Variants in INPP5A observed in about 807,000 individuals in gnomAD.
INPP5A encodes inositol polyphosphate-5-phosphatase A, also known as 43 kDa inositol polyphosphate 5-phophatase.
INPP5A carries 14 observed loss-of-function variants against 65.2 expected under a neutral mutation model. The ratio of observed to expected loss-of-function variants is 0.21; its 90% CI spans 0.14 to 0.34. The LOEUF (loss-of-function observed/expected upper bound fraction) is 0.34. INPP5A is among the 10% of genes least tolerant of loss of function. INPP5A has a pLI of 1.00. For missense variants in INPP5A, 431 were observed against 545.6 expected (o/e 0.79, Z 2.09); for synonymous variants, 207 against 208.3 (o/e 0.99, Z 0.05).
rs550427115 is a variant in INPP5A, at chr10:132,653,267, C to T, written c.306+2762C>T. Reference sequence around the variant, plus strand: ...CTCAGCAAAACCTCCTTCAGGCTCCCGAGGGCCGCGGCTGCCTCCACACCT... The same window carrying T: ...CTCAGCAAAACCTCCTTCAGGCTCCTGAGGGCCGCGGCTGCCTCCACACCT... On this transcript the variant is annotated intron_variant, in intron 4 of 15. Coordinates refer to ENST00000368594, the MANE Select transcript of INPP5A (RefSeq NM_005539.5). Among the ~76,000 whole-genome samples, 8 of 152,306 alleles carry T rather than the reference C, an allele frequency of 5.3e-5. No individual in the cohort carries two copies. In the South Asian group the frequency reaches 6.2e-4, roughly 12 times the overall value.
intron 1 of INPP5A, among the ~76,000 whole-genome samples, chr10:132,576,936 C>T (rs1315091300): frequency 6.6e-6 from 1 of 152,258 alleles, no homozygotes; most frequent in African/African-American, 2.4e-5. Flanking sequence ...ATGCTGGTCA[C>T]ACCCGCTGAA....
intron 4 of INPP5A, among the ~76,000 whole-genome samples, chr10:132,672,517 C>G (rs1254983244): frequency 2.0e-5 from 3 of 152,192 alleles, no homozygotes; most frequent in Admixed American, 6.5e-5. Context: ...TGCACAAGCT[C>G]TTTCTTTGCC....
At chr10:132,631,526 T>A (rs1178771576) in intron 2 of INPP5A, among the ~76,000 whole-genome samples, 2 of 152,256 alleles carry the variant, frequency 1.3e-5, no homozygotes, top group Non-Finnish European at 2.9e-5. Context: ...GGGCTTCCAC[T>A]GGGGTGCTGT....
chr10:132,678,055 G>A lies in INPP5A; in HGVS notation c.307-12337G>A, dbSNP rs556790014. ...CAGCCGGGAGAGGGGCTCGGCAGGA[G>A]GCCAGACAGGGGGACACCTTGGTGC... On this transcript the variant is annotated intron_variant, in intron 4 of 15. Transcript: ENST00000368594. The surrounding 1 kb of genome is among the most constrained non-coding windows in gnomAD (Gnocchi z 4.1). 9.8e-5 allele frequency among the ~76,000 whole-genome samples: 15 copies of A among 152,368 alleles called. No individual in the cohort carries two copies. The highest frequency in any genetic ancestry group is 2.0e-4 in the Admixed American group (3 of 15,310).
Position 132,697,579 on chromosome 10 carries a change from G to A in INPP5A, c.371-237G>A, listed in dbSNP as rs528056279. ...ATCTGCAGTCTGGGAGCTCTCAGGCGATAATGGAGTGGAGTGTCAGATTCC... is the reference window on the plus strand; with the variant it reads ...ATCTGCAGTCTGGGAGCTCTCAGGCAATAATGGAGTGGAGTGTCAGATTCC... On this transcript the variant is annotated intron_variant, in intron 5 of 15. Coordinates refer to ENST00000368594, the MANE Select transcript of INPP5A (RefSeq NM_005539.5). This position sits in a 1 kb window ranked among gnomAD's most constrained non-coding sequence, Gnocchi z 5.6. 1.3e-5 allele frequency among the ~76,000 whole-genome samples: 2 copies of A among 152,326 alleles called. No individual in the cohort carries two copies. Among genetic ancestry groups the A allele is most frequent in the Middle Eastern group, 3.4e-3 (1 of 294 alleles).
At position 132,730,243 on chromosome 10, in the gene INPP5A, G is replaced by C. The variant is rs138743209; in HGVS notation, c.732+3338G>C. Among the ~76,000 whole-genome samples, 711 of 152,298 alleles carry C rather than the reference G, an allele frequency of 4.7e-3. 9 individuals carry two copies. The highest frequency in any genetic ancestry group is 0.035 in the South Asian group (168 of 4,824). On this transcript the variant is annotated intron_variant, in intron 9 of 15. Transcript: ENST00000368594. Reference sequence around the variant, plus strand: ...TCCCTCAGCCCCTCTGCCCTGGACCGGCCAGGCCCCTTTCTGGGCTCCACG... The same window carrying C: ...TCCCTCAGCCCCTCTGCCCTGGACCCGCCAGGCCCCTTTCTGGGCTCCACG...
At chr10:132,737,507 T>C (rs1466875627) in intron 9 of INPP5A, among the ~76,000 whole-genome samples, 1 of 152,238 alleles carries the variant, frequency 6.6e-6, no homozygotes, top group Non-Finnish European at 1.5e-5. Context: ...GGGGACCCAG[T>C]GTGTAGACAG....
At chr10:132,617,019 CA>C (rs1281422958) in intron 2 of INPP5A, among the ~76,000 whole-genome samples, 1 of 152,124 alleles carries the variant, frequency 6.6e-6, no homozygotes, top group African/African-American at 2.4e-5. Flanking sequence ...GCCGCTTCTG[CA>C]GCTTCGGCAT....
intron 1 of INPP5A, among the ~76,000 whole-genome samples, chr10:132,601,521 T>G (rs562523476): frequency 5.3e-5 from 8 of 152,372 alleles, no homozygotes; most frequent in African/African-American, 1.9e-4. Context: ...CTTGTCTGTT[T>G]TTCCTTTTGT....
At chr10:132,617,855 A>C (rs1274232078) in intron 2 of INPP5A, among the ~76,000 whole-genome samples, 2 of 152,236 alleles carry the variant, frequency 1.3e-5, no homozygotes, top group Non-Finnish European at 2.9e-5. Context: ...TGTGCAGTCC[A>C]CAAGTGGGTC....
chr10:132,768,242 C>T (rs1334476462), intron 12 of INPP5A, among the ~76,000 whole-genome samples: 2 of 149,610 alleles, frequency 1.3e-5, no homozygotes, highest in Middle Eastern at 3.5e-3. Context: ...TCAGCGTTCC[C>T]AGGGTGCCCA....
intron 2 of INPP5A, among the ~76,000 whole-genome samples, chr10:132,639,308 CTT>C (rs201064482): frequency 5.7e-5 from 8 of 140,472 alleles, no homozygotes; most frequent in South Asian, 2.3e-4. Context: ...TCTGGGTTGA[CTT>C]TTTTTTTTTT....
chr10:132,774,441 C>T (rs1016791256), intron 12 of INPP5A, among the ~76,000 whole-genome samples: 15 of 152,194 alleles, frequency 9.9e-5, no homozygotes, highest in Non-Finnish European at 2.1e-4. Context: ...AGTGAGGCTG[C>T]GCTCCTGCCG....
chr10:132,623,485 A>G (rs1425082731), intron 2 of INPP5A, among the ~76,000 whole-genome samples: 2 of 152,240 alleles, frequency 1.3e-5, no homozygotes, highest in African/African-American at 4.8e-5. Context: ...ACCATACACA[A>G]AAATTAACTC....
chr10:132,602,724 T>C (rs1323846625), intron 1 of INPP5A, among the ~76,000 whole-genome samples: 3 of 152,250 alleles, frequency 2.0e-5, no homozygotes, highest in East Asian at 1.9e-4. Context: ...TCTTGCCTAA[T>C]TGCCCAGGCT....
rs1050928883 is a variant in INPP5A, at chr10:132,712,552, A to C, written c.647+2096A>C. On this transcript the variant is annotated intron_variant, in intron 8 of 15. Coordinates refer to ENST00000368594, the MANE Select transcript of INPP5A (RefSeq NM_005539.5). ...GCATTGTGTGTGCACACGTGGACAC[A>C]TGTGAGTGCACTTGTGTGGCTGCAT... is the stretch of plus-strand genomic sequence containing the variant. Among the ~76,000 whole-genome samples, 9 of 144,976 alleles carry C rather than the reference A, an allele frequency of 6.2e-5. No homozygotes were observed. In the East Asian group the frequency reaches 1.9e-3, roughly 30 times the overall value.
At chr10:132,755,884 C>A (rs1275778282) in intron 11 of INPP5A, among the ~76,000 whole-genome samples, 1 of 152,128 alleles carries the variant, frequency 6.6e-6, no homozygotes, top group Non-Finnish European at 1.5e-5. Context: ...GTGAAGCCAT[C>A]CCCTGCAGTC....
In INPP5A at chr10:132,648,230, C is replaced by T. The variant is rs577908754; in HGVS notation, c.219-2188C>T. Among the ~76,000 whole-genome samples, 800 of 152,402 alleles carry T rather than the reference C, an allele frequency of 5.2e-3. 3 individuals are homozygous for T. Among genetic ancestry groups the T allele is most frequent in the Non-Finnish European group, 7.9e-3 (536 of 68,042 alleles). On this transcript the variant is annotated intron_variant, in intron 3 of 15. Transcript: ENST00000368594. ...CCCTGAGCACGGAGGACGCCGCCCT[C>T]ACAGCAGGCGGGGACACCGCAGGCC...
chr10:132,683,013 G>A (rs193167840), intron 4 of INPP5A, among the ~76,000 whole-genome samples: 1 of 150,788 alleles, frequency 6.6e-6, no homozygotes, highest in East Asian at 2.0e-4. Flanking sequence ...GTTATCCTAT[G>A]TGGAGGGCAC....
Sources: allele counts gnomAD v4.1 joint callset (sites outside exome capture counted in the v4.1 genomes callset), GRCh38; gene constraint gnomAD v4.1.1; non-coding constraint Gnocchi (gnomAD v3.1); transcripts MANE v1.5; gene names NCBI Gene and HGNC (gene_info 2026-07-23, HGNC 2026-07-21).